The following ZFYVE26 variants were observed in gnomAD, a reference collection of about 807,000 sequenced individuals.
The protein encoded by ZFYVE26 is zinc finger FYVE domain-containing protein 26.
In ZFYVE26, 181 loss-of-function variants were observed where a neutral mutation model predicts 276.5. The ratio of observed to expected loss-of-function variants is 0.65; its 90% CI spans 0.58 to 0.74. The LOEUF (loss-of-function observed/expected upper bound fraction) is 0.74. ZFYVE26 is among the 30% of genes least tolerant of loss of function. ZFYVE26 has a pLI of 0.00. For missense variants in ZFYVE26, 2,821 were observed against 3,097.9 expected (o/e 0.91, Z 2.12); for synonymous variants, 1,129 against 1,203.1 (o/e 0.94, Z 1.27).
intron 3 of ZFYVE26, among the ~76,000 whole-genome samples, chr14:67,809,655 C>T (rs1368698663): frequency 2.6e-5 from 4 of 151,984 alleles, no homozygotes; most frequent in African/African-American, 9.7e-5. Flanking sequence ...CTCCTGACCT[C>T]AAGTGTTCCA....
chr14:67,797,440 T>C, intron 12 of ZFYVE26: 1 of 579,612 alleles, frequency 1.7e-6, no homozygotes, highest in Non-Finnish European at 3.1e-6. Context: ...GTTCTCAATA[T>C]ATAGTATAAT....
chr14:67,745,420 CAGAG>C (rs775551202), downstream of ZFYVE26, among the ~76,000 whole-genome samples: 2 of 151,810 alleles, frequency 1.3e-5, no homozygotes, highest in Non-Finnish European at 2.9e-5. Flanking sequence ...TCTACACATT[CAGAG>C]AAACTTCTCT....
In ZFYVE26 at chr14:67,805,558, T is replaced by C. The variant is rs775483543; in HGVS notation, c.1078A>G (p.Arg360Gly). 6.2e-7 allele frequency: 1 copy of C among 1,614,196 alleles called. No homozygotes were observed. Among genetic ancestry groups the C allele is most frequent in the Non-Finnish European group, 8.5e-7 (1 of 1,180,018 alleles). The part of the protein sequence containing the change: ...DFPNLGCLLD[R>G]EFRPLSCLLV... ...AGGCAACTGAGGGGCCTGAATTCTC[T>C]ATCAAGTAGGCAGCCAAGATTTGGG... Residue 360 changes from arginine to glycine, a missense_variant, in exon 7 of 42, where the codon AGA (arginine) becomes GGA (glycine). Physicochemically the swap from Arg to Gly is moderately radical, Grantham distance 125. Transcript: ENST00000347230.
At chr14:67,754,967 T>C (rs2038739983) in intron 37 of ZFYVE26, 84 bp downstream of exon 37, 1 of 1,462,556 alleles carries the variant, frequency 6.8e-7, no homozygotes. Flanking sequence ...ATTCAAGGAA[T>C]GGACAAGAGT....
rs926977062 is a variant in ZFYVE26, at chr14:67,762,885, G to A, written c.6012-66C>T. ...GTCTTACTAAGAGTAGCCGCTTAAAGGTTTCCTATTCCATTTTCTTTTTTC... is the reference window on the plus strand; with the variant it reads ...GTCTTACTAAGAGTAGCCGCTTAAAAGTTTCCTATTCCATTTTCTTTTTTC... On this transcript the variant is annotated intron_variant, in intron 32 of 41. Coordinates refer to ENST00000347230, the MANE Select transcript of ZFYVE26 (RefSeq NM_015346.4). 64 of 1,596,926 alleles carry A rather than the reference G, an allele frequency of 4.0e-5. No individual in the cohort carries two copies. In the African/African-American group the frequency reaches 8.4e-4, roughly 21 times the overall value.
chr14:67,751,539 C>G (rs2038643702), intron 40 of ZFYVE26: 1 of 248,318 alleles, frequency 4.0e-6, no homozygotes, highest in Admixed American at 5.0e-5. Context: ...TGCCACCACA[C>G]CCGGCTGACT....
rs2039617381 is a variant in ZFYVE26 at position 67,785,214 on chromosome 14, T to C, written c.3368A>G (p.Glu1123Gly). 3.7e-6 allele frequency: 6 copies of C among 1,613,888 alleles called. No individual in the cohort carries two copies. Among genetic ancestry groups the C allele is most frequent in the Admixed American group, 1.7e-5 (1 of 59,974 alleles). The part of the protein sequence containing the change: ...EQAAQKAPEA[E>G]AHPVQIQTQL... ...AGTCTGGATCTGCACAGGGTGGGCC[T>C]CTGCCTCTGGAGCTTTCTGGGCTGC... Residue 1123 changes from glutamate to glycine, a missense_variant, in exon 19 of 42, where the codon GAG becomes GGG. By Grantham distance (98) the Glu-to-Gly change is moderately conservative. Transcript: ENST00000347230.
In ZFYVE26 at chr14:67,794,225, C is replaced by T. The variant is rs1415914500; in HGVS notation, c.2347G>A (p.Gly783Ser). Residue 783 changes from glycine (G) to serine (S), a missense_variant, in exon 13 of 42, where the codon GGT becomes AGT. Transcript: ENST00000347230. ...RRSQADGRDRGSNPSLESTSS... is the reference protein window; with the variant it reads ...RRSQADGRDRSSNPSLESTSS... ...GTACTTTCCAGGGATGGGTTTGAAC[C>T]TCTGTCTCGGCCATCTACAGGTATT... is the stretch of plus-strand genomic sequence containing the variant. 6.2e-7 allele frequency: 1 copy of T among 1,614,178 alleles called. No homozygotes were observed. The highest frequency in any genetic ancestry group is 1.6e-4 in the Middle Eastern group (1 of 6,062).
chr14:67,808,478 G>A (rs1377804567), intron 4 of ZFYVE26, among the ~76,000 whole-genome samples: 3 of 152,038 alleles, frequency 2.0e-5, no homozygotes, highest in African/African-American at 7.3e-5. Flanking sequence ...ACATAATAGT[G>A]TGTGTTTTAG....
chr14:67,759,692 G>T (rs2038884974), intron 35 of ZFYVE26, among the ~76,000 whole-genome samples: 1 of 151,646 alleles, frequency 6.6e-6, no homozygotes, highest in African/African-American at 2.4e-5. Context: ...GGAATGTAAG[G>T]TACACATAGG....
chr14:67,758,444 A>G (rs898381628), intron 35 of ZFYVE26, among the ~76,000 whole-genome samples: 17 of 152,126 alleles, frequency 1.1e-4, no homozygotes, highest in African/African-American at 4.1e-4. Flanking sequence ...AGGTGCCTGA[A>G]TATACAGATA....
In ZFYVE26 at chr14:67,807,616, C is replaced by A. The variant is rs780808580; in HGVS notation, c.668G>T (p.Arg223Leu). ...TGGTTCTGCGGGGCAACGCAGAGTC[C>A]GCAGGGCTCCATAGATGGCATCGAC... ...GVVDAIYGALRTLRCPAEPLG... is the reference protein window; with the variant it reads ...GVVDAIYGALLTLRCPAEPLG... Residue 223 changes from arginine to leucine, a missense_variant, in exon 5 of 42, where the codon CGG (arginine) becomes CTG (leucine). Physicochemically the swap from Arg to Leu is moderately radical, Grantham distance 102 (BLOSUM62 -2). Coordinates refer to ENST00000347230, the MANE Select transcript of ZFYVE26 (RefSeq NM_015346.4). 1 of 1,614,064 alleles carries A rather than the reference C, an allele frequency of 6.2e-7. No individual in the cohort carries two copies. Among genetic ancestry groups the A allele is most frequent in the African/African-American group, 1.3e-5 (1 of 74,930 alleles).
Position 67,775,240 on chromosome 14 carries a change from T to TA in ZFYVE26, c.5222-127dup, listed in dbSNP as rs1260001759. ...GTCATTCCATGACTCTACTAGGTATTAAGAGAATGGAGGAGGTACCTCTAA... is the reference window on the plus strand; with the variant it reads ...GTCATTCCATGACTCTACTAGGTATTAAAGAGAATGGAGGAGGTACCTCTAA... On this transcript the variant is annotated intron_variant, in intron 26 of 41. Coordinates refer to ENST00000347230, the MANE Select transcript of ZFYVE26 (RefSeq NM_015346.4). 1.1e-5 allele frequency: 7 copies of TA among 646,724 alleles called. No individual in the cohort carries two copies. In the East Asian group the frequency reaches 1.9e-4, roughly 18 times the overall value. The allele number at this position is 646,724 out of a possible 1,614,324, so 40.1% of individuals were successfully genotyped here.
intron 31 of ZFYVE26, among the ~76,000 whole-genome samples, chr14:67,767,129 G>A (rs901133482): frequency 3.3e-5 from 5 of 152,068 alleles, no homozygotes; most frequent in African/African-American, 1.2e-4. Context: ...AGGAGTTTCT[G>A]CTTTAAGCCA....
intron 22 of ZFYVE26, 120 bp downstream of exon 22, chr14:67,781,213 G>C (rs1408404322): frequency 8.2e-7 from 1 of 1,224,408 alleles, no homozygotes; most frequent in South Asian, 1.2e-5. Context: ...GAAGCCAGAT[G>C]CAAAGCAAAA....
chr14:67,800,512 A>T (rs2040054952), intron 10 of ZFYVE26, among the ~76,000 whole-genome samples: 2 of 152,226 alleles, frequency 1.3e-5, no homozygotes, highest in South Asian at 4.1e-4. Context: ...TGGCTTTGAG[A>T]GAAAACACAC....
chr14:67,770,887 C>A (rs1029062870), intron 28 of ZFYVE26, among the ~76,000 whole-genome samples: 4 of 152,116 alleles, frequency 2.6e-5, no homozygotes, highest in African/African-American at 4.8e-5. Flanking sequence ...CTCAACAAGC[C>A]ACAACCAATT....
chr14:67,788,749 C>T (rs1008764329), intron 16 of ZFYVE26, among the ~76,000 whole-genome samples: 1 of 152,186 alleles, frequency 6.6e-6, no homozygotes, highest in Non-Finnish European at 1.5e-5. Context: ...TTCACCACTC[C>T]TCCCTCTATA....
At chr14:67,806,832 T>C (rs1483181361) in intron 5 of ZFYVE26, among the ~76,000 whole-genome samples, 157 bp from the exon 6 acceptor site, 1 of 152,232 alleles carries the variant, frequency 6.6e-6, no homozygotes, top group African/African-American at 2.4e-5. Context: ...GAATCTTTAC[T>C]TCCCTTGGGA....
Sources: allele counts gnomAD v4.1 joint callset (sites outside exome capture counted in the v4.1 genomes callset), GRCh38; gene constraint gnomAD v4.1.1; transcripts MANE v1.5; gene names NCBI Gene and HGNC (gene_info 2026-07-23, HGNC 2026-07-21).